FOCAD: variants seen among roughly 807,000 people sequenced by gnomAD.
FOCAD encodes the protein KIAA1797.
A neutral mutation model predicts 225.6 loss-of-function variants in FOCAD; 198 were observed. The ratio of observed to expected loss-of-function variants is 0.88; its 90% CI spans 0.78 to 0.99. FOCAD has a LOEUF of 0.99. FOCAD is among the 50% of genes least tolerant of loss of function. FOCAD has a pLI of 0.00. For missense variants in FOCAD, 2,713 were observed against 2,123.6 expected, an observed-to-expected ratio of 1.28 and a Z score of -5.46; for synonymous variants, 897 against 755.0, an observed-to-expected ratio of 1.19 and a Z score of -3.08.
chr9:20,903,929 C>T (rs1212573614), intron 21 of FOCAD, among the ~76,000 whole-genome samples: 1 of 151,814 alleles, frequency 6.6e-6, no homozygotes, highest in African/African-American at 2.4e-5. Flanking sequence ...GTCTTCCTTC[C>T]CCTCTCCCCC....
chr9:20,781,933 A>G lies in FOCAD; in HGVS notation c.1197+4A>G, dbSNP rs1242662330. ...TTACAGAGATGACCACCAAAAGGTA[A>G]TGAATCTATCCTTGTTTCTCTTAAA... is the stretch of plus-strand genomic sequence containing the variant. On this transcript the variant is annotated splice_donor_region_variant and intron_variant, in intron 10 of 43. Transcript: ENST00000338382. 3.1e-6 allele frequency: 5 copies of G among 1,612,600 alleles called. No individual in the cohort carries two copies. The African/African-American group carries it at 5.3e-5, about 17-fold the overall frequency.
chr9:20,763,616 A>C (rs886915937), intron 6 of FOCAD, among the ~76,000 whole-genome samples: 23 of 152,226 alleles, frequency 1.5e-4, no homozygotes, highest in African/African-American at 4.8e-4. Flanking sequence ...GAGAAGGAAT[A>C]GGACGGGTAG....
At chr9:20,787,747 A>G (rs1458013691) in intron 10 of FOCAD, among the ~76,000 whole-genome samples, 1 of 150,248 alleles carries the variant, frequency 6.7e-6, no homozygotes, top group Non-Finnish European at 1.5e-5. Context: ...TTTCTTCTGT[A>G]TTTGTCCACA....
At chr9:20,693,227 C>A (rs1458849982) in intron 1 of FOCAD, among the ~76,000 whole-genome samples, 1 of 152,214 alleles carries the variant, frequency 6.6e-6, no homozygotes, top group East Asian at 1.9e-4. Context: ...ACATCTGAGG[C>A]ATGCTTTCAC....
At position 20,962,944 on chromosome 9, in the gene FOCAD, T is replaced by C. The variant is rs573984442; in HGVS notation, c.4132+9879T>C. Among the ~76,000 whole-genome samples, 3 of 152,356 alleles carry C rather than the reference T, an allele frequency of 2.0e-5. No homozygotes were observed. In the East Asian group the frequency reaches 5.8e-4, roughly 29 times the overall value. ...TTTAGATGTGGATTCTTTTATCCAG[T>C]GCTAAAGATCTCTGGGGAAGGAACT... On this transcript the variant is annotated intron_variant, in intron 35 of 43. Transcript: ENST00000338382.
At chr9:20,979,057 C>A (rs1840456973) in intron 37 of FOCAD, among the ~76,000 whole-genome samples, 1 of 152,084 alleles carries the variant, frequency 6.6e-6, no homozygotes, top group Admixed American at 6.6e-5. Context: ...CACGTATAGG[C>A]CAAGGGCAGA....
At chr9:20,785,402 C>G (rs1231554417) in intron 10 of FOCAD, among the ~76,000 whole-genome samples, 1 of 152,084 alleles carries the variant, frequency 6.6e-6, no homozygotes, top group Non-Finnish European at 1.5e-5. Flanking sequence ...CCTAATTCCC[C>G]CCTTTTTTCC....
intron 11 of FOCAD, among the ~76,000 whole-genome samples, chr9:20,801,232 A>G (rs1202874309): frequency 6.6e-6 from 1 of 152,202 alleles, no homozygotes; most frequent in African/African-American, 2.4e-5. Flanking sequence ...AATATAGAAT[A>G]CAAAGTGAAA....
intron 21 of FOCAD, among the ~76,000 whole-genome samples, chr9:20,904,110 A>G (rs1327612373): frequency 1.3e-5 from 2 of 151,978 alleles, no homozygotes; most frequent in East Asian, 3.9e-4. Context: ...GTGACTGAAT[A>G]ATATTTCATT....
In FOCAD at chr9:20,912,857, T is replaced by C; in HGVS notation, c.2719-9T>C. 1 of 1,611,844 alleles carries C rather than the reference T, an allele frequency of 6.2e-7. No homozygotes were observed. Among genetic ancestry groups the C allele is most frequent in the Non-Finnish European group, 8.5e-7 (1 of 1,178,372 alleles). On this transcript the variant is annotated splice_polypyrimidine_tract_variant and intron_variant, in intron 22 of 43. Coordinates refer to ENST00000338382, the MANE Select transcript of FOCAD (RefSeq NM_001375567.1). ...GTTCACATGCTGATTTATGCTGTGA[T>C]TTTTGCAGGGAAGACTAGGAGAGCT... is the stretch of plus-strand genomic sequence containing the variant.
chr9:20,872,877 G>A (rs1829915607), intron 18 of FOCAD: 2 of 152,046 alleles, frequency 1.3e-5, no homozygotes, highest in South Asian at 4.1e-4. Flanking sequence ...CTGTAAGTTT[G>A]CTTATTCTGG....
intron 23 of FOCAD, among the ~76,000 whole-genome samples, chr9:20,914,433 T>A (rs1833707764): frequency 6.6e-6 from 1 of 151,770 alleles, no homozygotes; most frequent in Admixed American, 6.6e-5. Flanking sequence ...GAACAGAGAG[T>A]GAATGAGGCT....
chr9:20,768,394 T>C (rs971043880), intron 7 of FOCAD, among the ~76,000 whole-genome samples: 4 of 152,062 alleles, frequency 2.6e-5, no homozygotes, highest in African/African-American at 9.7e-5. Flanking sequence ...GGGGATGGCA[T>C]TGAATGTGTA....
intron 28 of FOCAD, 125 bp downstream of exon 28, chr9:20,933,228 A>G: frequency 1.5e-6 from 1 of 662,356 alleles, no homozygotes; most frequent in Non-Finnish European, 2.5e-6. Flanking sequence ...TTATTGGGGA[A>G]CAGGTGGTGT....
chr9:20,797,934 A>G (rs1330641094), intron 11 of FOCAD, among the ~76,000 whole-genome samples: 2 of 152,194 alleles, frequency 1.3e-5, no homozygotes, highest in Non-Finnish European at 2.9e-5. Context: ...CGGTTTTCAA[A>G]GGGAATGCTT....
chr9:20,985,387 G>T (rs1564244728), intron 39 of FOCAD, among the ~76,000 whole-genome samples: 1 of 152,182 alleles, frequency 6.6e-6, no homozygotes, highest in East Asian at 1.9e-4. Flanking sequence ...CAGGCTCATA[G>T]AAGCAGAAAC....
At chr9:20,944,115 T>A (rs865892424) in intron 28 of FOCAD, among the ~76,000 whole-genome samples, 5 of 152,252 alleles carry the variant, frequency 3.3e-5, no homozygotes, top group Admixed American at 1.3e-4. Flanking sequence ...CTTGTTGAAG[T>A]TGACTAGGAA....
chr9:20,740,386 A>T (rs1420550231), intron 5 of FOCAD, 46 bp downstream of exon 5: 1 of 1,071,404 alleles, frequency 9.3e-7, no homozygotes, highest in Non-Finnish European at 1.4e-6. Context: ...TGAATTTTTA[A>T]TGAAATTATT....
In FOCAD at chr9:20,941,017, C is replaced by T. The variant is rs185848922; in HGVS notation, c.3408-3610C>T. On this transcript the variant is annotated intron_variant, in intron 28 of 43. Transcript: ENST00000338382. ...TTTAACTAGACCCAGACCTGAAAGC[C>T]TGACTCATGATTTAAAGTATTCCCT... Among the ~76,000 whole-genome samples the T allele has an allele frequency of 1.0e-3, 155 of 152,074 alleles. 5 individuals carry two copies. Among genetic ancestry groups the T allele is most frequent in the Non-Finnish European group, 1.6e-4 (11 of 67,992 alleles).
Sources: allele counts gnomAD v4.1 joint callset (sites outside exome capture counted in the v4.1 genomes callset), GRCh38; gene constraint gnomAD v4.1.1; transcripts MANE v1.5; gene names NCBI Gene and HGNC (gene_info 2026-07-23, HGNC 2026-07-21).